The following PPP1R1C variants were observed in gnomAD, a reference collection of about 807,000 sequenced individuals.
The protein encoded by PPP1R1C is protein phosphatase 1 regulatory subunit 1C.
PPP1R1C carries 15 observed loss-of-function variants against 17.4 expected under a neutral mutation model. The ratio of observed to expected loss-of-function variants is 0.86; its 90% CI spans 0.58 to 1.33. The LOEUF (loss-of-function observed/expected upper bound fraction) is 1.33, where lower values mean the gene tolerates loss of function less well. Among genes scored for constraint, PPP1R1C ranks in the 40% most tolerant of loss-of-function variants. The pLI, the probability that PPP1R1C is intolerant of heterozygous loss-of-function variation, is 0.00. For missense variants in PPP1R1C, 143 were observed against 130.0 expected (o/e 1.10, Z -0.48); for synonymous variants, 35 against 43.1 (o/e 0.81, Z 0.73).
At chr2:182,128,422 G>A (rs1301898170) in intron 5 of PPP1R1C, among the ~76,000 whole-genome samples, 1 of 152,030 alleles carries the variant, frequency 6.6e-6, no homozygotes, top group East Asian at 1.9e-4. Context: ...TCTTGTCAGG[G>A]CCCCTCTGAC....
Position 181,961,079 on chromosome 2 carries a change from C to T in PPP1R1C, n.111+6445C>T. ...GACAACTGCAAAATAAAGGCTGTAA[C>T]AGGAGCGTGTGTCACATCATCATAG... On this transcript the variant is annotated intron_variant and non_coding_transcript_variant, in intron 1 of 5. Coordinates refer to the PPP1R1C transcript ENST00000464264. This position sits in a 1 kb window ranked among gnomAD's most constrained non-coding sequence, Gnocchi z 5.8. The T allele has an allele frequency of 1.9e-6, 1 of 534,428 alleles. No individual in the cohort carries two copies. The highest frequency in any genetic ancestry group is 3.0e-5 in the Admixed American group (1 of 33,500). 33.1% of individuals were successfully genotyped at this position (534,428 alleles called of 1,614,324 possible).
chr2:182,095,134 C>CA (rs200429683), intron 4 of PPP1R1C, among the ~76,000 whole-genome samples: 48 of 151,236 alleles, frequency 3.2e-4, no homozygotes, highest in South Asian at 1.3e-3. Flanking sequence ...ACTAAAAATA[C>CA]AAAAAAAAGA....
chr2:182,080,841 A>G (rs1469259444), intron 4 of PPP1R1C, among the ~76,000 whole-genome samples: 1 of 152,196 alleles, frequency 6.6e-6, no homozygotes, highest in African/African-American at 2.4e-5. Context: ...TCTTATTGGT[A>G]AAATATGACC....
intron 4 of PPP1R1C, among the ~76,000 whole-genome samples, chr2:182,102,550 T>G (rs1382369193): frequency 6.6e-6 from 1 of 152,154 alleles, no homozygotes; most frequent in African/African-American, 2.4e-5. Context: ...GCACAATTAC[T>G]TTGGGAAAAA....
rs1271504907 is a variant in PPP1R1C at position 181,957,084 on chromosome 2, G to A, written n.111+2450G>A. The stretch of plus-strand genomic sequence containing the variant: ...GGATAATTGTGCTAACTCAGGCCAG[G>A]TGCAGTGGTTCACGCCTGTAATCTC... On this transcript the variant is annotated intron_variant and non_coding_transcript_variant, in intron 1 of 5. Transcript: ENST00000464264. This position sits in a 1 kb window ranked among gnomAD's most constrained non-coding sequence, Gnocchi z 4.2. Among the ~76,000 whole-genome samples the A allele has an allele frequency of 6.6e-6, 1 of 152,212 alleles. No homozygotes were observed. Among genetic ancestry groups the A allele is most frequent in the African/African-American group, 2.4e-5 (1 of 41,464 alleles).
chr2:181,998,300 G>A (rs1390598313), intron 2 of PPP1R1C, among the ~76,000 whole-genome samples: 1 of 152,196 alleles, frequency 6.6e-6, no homozygotes, highest in African/African-American at 2.4e-5. Flanking sequence ...ATTCTGGTTT[G>A]TGTGAGAGGC....
chr2:182,106,656 C>T (rs1009648615), intron 4 of PPP1R1C, among the ~76,000 whole-genome samples: 12 of 152,168 alleles, frequency 7.9e-5, no homozygotes, highest in African/African-American at 2.2e-4. Context: ...CAAGAATCCC[C>T]GGATACAGAA....
intron 4 of PPP1R1C, among the ~76,000 whole-genome samples, chr2:182,077,848 A>G (rs1688359043): frequency 6.6e-6 from 1 of 152,250 alleles, no homozygotes; most frequent in South Asian, 2.1e-4. Flanking sequence ...CTGCTGGTTC[A>G]CAAAGTTTAA....
chr2:182,000,009 C>G (rs1685714979), intron 2 of PPP1R1C, among the ~76,000 whole-genome samples: 1 of 152,158 alleles, frequency 6.6e-6, no homozygotes, highest in Non-Finnish European at 1.5e-5. Flanking sequence ...ATCTTCCCTT[C>G]CCTTCCATTT....
At chr2:181,987,194 T>C (rs1365389105) in intron 1 of PPP1R1C, among the ~76,000 whole-genome samples, 1 of 151,788 alleles carries the variant, frequency 6.6e-6, no homozygotes, top group Non-Finnish European at 1.5e-5. Flanking sequence ...TAAATGAATA[T>C]AATAAACAAA....
At chr2:182,071,737 G>A (rs193072999) in intron 4 of PPP1R1C, among the ~76,000 whole-genome samples, 40 of 152,226 alleles carry the variant, frequency 2.6e-4, no homozygotes, top group African/African-American at 7.5e-4. Context: ...ATGGACACAT[G>A]GATATTCATT....
intron 2 of PPP1R1C, among the ~76,000 whole-genome samples, chr2:181,990,216 G>T (rs1685436377): frequency 6.6e-6 from 1 of 151,678 alleles, no homozygotes; most frequent in Admixed American, 6.6e-5. Context: ...TCAGCTCACT[G>T]CAAGCTCCAC....
At position 182,117,421 on chromosome 2, in the gene PPP1R1C, G is replaced by A; in HGVS notation, c.*126G>A. On this transcript the variant is annotated 3_prime_UTR_variant, in exon 5 of 5. Transcript: ENST00000682840. The stretch of plus-strand genomic sequence containing the variant: ...CATCTCTGCACCCCACACTCATACA[G>A]TAGCTATGCACATCCTGGAAGTCTC... 1.5e-6 allele frequency: 1 copy of A among 650,310 alleles called. No homozygotes were observed. The highest frequency in any genetic ancestry group is 2.7e-4 in the Middle Eastern group (1 of 3,730). 40.3% of individuals were successfully genotyped at this position (650,310 alleles called of 1,614,324 possible).
chr2:182,033,257 C>A (rs1686899672), intron 2 of PPP1R1C, among the ~76,000 whole-genome samples: 1 of 152,140 alleles, frequency 6.6e-6, no homozygotes, highest in Non-Finnish European at 1.5e-5. Flanking sequence ...GCTTGTAATA[C>A]CTATTCTCCT....
upstream of PPP1R1C, among the ~76,000 whole-genome samples, chr2:181,983,777 T>C (rs1414382042): frequency 6.6e-6 from 1 of 152,192 alleles, no homozygotes; most frequent in Non-Finnish European, 1.5e-5. Context: ...AGAGTTATGC[T>C]TCATTCTTTA....
Position 182,084,810 on chromosome 2 carries a change from A to T in PPP1R1C, c.241+21019A>T, listed in dbSNP as rs147081837. ...GTGAAAAAATGATGTTGATGTTTTG[A>T]TAGGAATTGCATTGAGTCTATAGAT... On this transcript the variant is annotated intron_variant, in intron 4 of 4. Transcript: ENST00000682840. 1.9e-3 allele frequency among the ~76,000 whole-genome samples: 286 copies of T among 152,184 alleles called. 1 individual carries two copies. The highest frequency in any genetic ancestry group is 6.0e-3 in the African/African-American group (251 of 41,546).
chr2:181,991,054 C>G (rs568195760), intron 2 of PPP1R1C, among the ~76,000 whole-genome samples: 24 of 150,426 alleles, frequency 1.6e-4, no homozygotes, highest in African/African-American at 5.6e-4. Context: ...TAAAACATTC[C>G]AATTCATATG....
At chr2:181,979,252 T>C (rs1685151189) in intron 2 of PPP1R1C, among the ~76,000 whole-genome samples, 1 of 152,196 alleles carries the variant, frequency 6.6e-6, no homozygotes, top group Non-Finnish European at 1.5e-5. Flanking sequence ...TGACCCCATA[T>C]ACTAGGCTGC....
At chr2:181,988,019 A>G in intron 2 of PPP1R1C, 120 bp downstream of exon 2, 3 of 719,182 alleles carry the variant, frequency 4.2e-6, no homozygotes, top group Non-Finnish European at 7.0e-6. Flanking sequence ...AATACTCTAG[A>G]AAGCTAATCT....
Sources: gnomAD v4.1 joint callset for allele counts (sites outside exome capture counted in the v4.1 genomes callset) on GRCh38, gnomAD v4.1.1 for gene constraint, Gnocchi (gnomAD v3.1) non-coding constraint, MANE v1.5 for transcripts, NCBI Gene and HGNC (gene_info 2026-07-23, HGNC 2026-07-21) for gene names.